Variants in AK5 observed in about 807,000 individuals in gnomAD.
AK5 encodes the protein adenylate kinase isoenzyme 5.
Under a neutral mutation model 69.5 loss-of-function variants are expected in AK5, and 27 were observed. The observed-to-expected ratio is 0.39, with a 90% CI of 0.29 to 0.54. The LOEUF (loss-of-function observed/expected upper bound fraction) is 0.54, where lower values mean the gene tolerates loss of function less well. Ranked by LOEUF, AK5 falls within the 20% of genes least tolerant of loss-of-function variation. AK5 has a pLI of 0.71. For synonymous variants in AK5, 260 were observed against 244.4 expected, an observed-to-expected ratio of 1.06 and a Z score of -0.60; for missense variants, 531 against 700.4, an observed-to-expected ratio of 0.76 and a Z score of 2.73.
chr1:77,480,129 T>A (rs1655171690), intron 8 of AK5, among the ~76,000 whole-genome samples: 1 of 144,602 alleles, frequency 6.9e-6, no homozygotes, highest in Non-Finnish European at 1.5e-5. Flanking sequence ...AGTGTGTGTG[T>A]GTGTGTGTGT....
In AK5 at chr1:77,332,739, A is replaced by G. The variant is rs1661156130; in HGVS notation, c.700-7638A>G. ...TCCTTTATGGCTCAGAATATATTCA[A>G]CTTTTATGACAACTTCTCTGTGTGT... On this transcript the variant is annotated intron_variant, in intron 5 of 13. Transcript: ENST00000354567. Among the ~76,000 whole-genome samples, 4 of 151,910 alleles carry G rather than the reference A, an allele frequency of 2.6e-5. No homozygotes were observed. In the South Asian group the frequency reaches 8.3e-4, roughly 32 times the overall value.
In AK5 at chr1:77,325,778, T is replaced by A. The variant is rs2602949; in HGVS notation, c.700-14599T>A. 5.3e-5 allele frequency among the ~76,000 whole-genome samples: 8 copies of A among 151,538 alleles called. No homozygotes were observed. The East Asian group carries it at 1.4e-3, about 26-fold the overall frequency. Reference sequence around the variant, plus strand: ...TGCATCTCTTTCATCTAGTGTGGTATTTGGCTCATAGCAAATGCTTAGTAA... The same window carrying A: ...TGCATCTCTTTCATCTAGTGTGGTAATTGGCTCATAGCAAATGCTTAGTAA... On this transcript the variant is annotated intron_variant, in intron 5 of 13. Transcript: ENST00000354567.
chr1:77,534,233 G>A (rs1023210945), intron 12 of AK5, among the ~76,000 whole-genome samples: 50 of 152,182 alleles, frequency 3.3e-4, no homozygotes, highest in African/African-American at 1.2e-3. Flanking sequence ...CTCGAATGTG[G>A]CAAGGTCAGG....
intron 5 of AK5, among the ~76,000 whole-genome samples, chr1:77,329,783 C>T (rs990546734): frequency 4.6e-5 from 7 of 152,152 alleles, no homozygotes; most frequent in African/African-American, 1.7e-4. Context: ...CTCCTCCAAT[C>T]CTAATTTCAC....
intron 5 of AK5, among the ~76,000 whole-genome samples, chr1:77,305,372 G>T (rs2799559): frequency 0.15 from 23,479 of 152,020 alleles, 2,208 homozygotes; most frequent in Non-Finnish European, 0.2. Flanking sequence ...TTCTTTGGTT[G>T]CCTGTGCTTA....
intron 10 of AK5, among the ~76,000 whole-genome samples, chr1:77,493,328 G>GCCC (rs138633618): frequency 6.6e-6 from 1 of 150,642 alleles, no homozygotes; most frequent in African/African-American, 2.4e-5. Context: ...GACACCAGCA[G>GCCC]CCCCCCCCAG....
At chr1:77,362,346 T>A (rs142625745) in intron 6 of AK5, among the ~76,000 whole-genome samples, 84 of 152,318 alleles carry the variant, frequency 5.5e-4, no homozygotes, top group Admixed American at 9.8e-4. Context: ...TATATATGCT[T>A]CCTCAATTGT....
intron 13 of AK5, among the ~76,000 whole-genome samples, chr1:77,551,244 CA>C: frequency 6.6e-6 from 1 of 152,080 alleles, no homozygotes; most frequent in Non-Finnish European, 1.5e-5. Flanking sequence ...CACACACACA[CA>C]CACCTTCTAT....
intron 6 of AK5, among the ~76,000 whole-genome samples, chr1:77,396,939 G>C (rs143484519): frequency 6.6e-6 from 1 of 152,192 alleles, no homozygotes; most frequent in African/African-American, 2.4e-5. Flanking sequence ...ATGGTAACTC[G>C]TGCCATGCAC....
chr1:77,548,262 CCTT>C (rs1246083658), intron 13 of AK5, among the ~76,000 whole-genome samples: 1 of 152,160 alleles, frequency 6.6e-6, no homozygotes, highest in Non-Finnish European at 1.5e-5. Flanking sequence ...ATATAGTCCT[CCTT>C]CTTTCTATGG....
At chr1:77,470,871 A>ATTT (rs1654458720) in intron 8 of AK5, among the ~76,000 whole-genome samples, 1 of 41,604 alleles carries the variant, frequency 2.4e-5, no homozygotes, top group African/African-American at 1.0e-4. Flanking sequence ...ATATATATAT[A>ATTT]TATATTTTTT....
intron 6 of AK5, among the ~76,000 whole-genome samples, chr1:77,370,566 A>G (rs1449122416): frequency 6.6e-6 from 1 of 152,226 alleles, no homozygotes; most frequent in East Asian, 1.9e-4. Flanking sequence ...TTAAAATTAA[A>G]AAAAACTTTA....
chr1:77,437,677 C>T (rs2647505), intron 8 of AK5, among the ~76,000 whole-genome samples: 149,546 of 152,210 alleles, frequency 0.98, 73,519 homozygotes, highest in Middle Eastern at 1. Flanking sequence ...AAACAAAATA[C>T]CCCGGTGGCC....
chr1:77,386,594 G>C (rs1648045880), intron 6 of AK5, among the ~76,000 whole-genome samples: 1 of 152,064 alleles, frequency 6.6e-6, no homozygotes, highest in Non-Finnish European at 1.5e-5. Context: ...ACCATGTCAG[G>C]GGAGGATTTT....
At chr1:77,324,700 A>G (rs564466994) in intron 5 of AK5, among the ~76,000 whole-genome samples, 17 of 45,436 alleles carry the variant, frequency 3.7e-4, no homozygotes, top group Admixed American at 7.0e-4. Context: ...CTTTATAGGG[A>G]AAAAAAAAAA....
intron 5 of AK5, among the ~76,000 whole-genome samples, chr1:77,299,232 A>G (rs1055073816): frequency 2.0e-5 from 3 of 150,798 alleles, no homozygotes; most frequent in African/African-American, 7.3e-5. Context: ...ATTAAGGTTA[A>G]GTATATTTTC....
At chr1:77,507,183 A>G (rs1283399181) in intron 10 of AK5, among the ~76,000 whole-genome samples, 1 of 152,232 alleles carries the variant, frequency 6.6e-6, no homozygotes, top group East Asian at 1.9e-4. Flanking sequence ...TGACGGGGCC[A>G]TGATGAAAGC....
At chr1:77,405,084 A>G (rs1450839086) in intron 6 of AK5, among the ~76,000 whole-genome samples, 1 of 152,236 alleles carries the variant, frequency 6.6e-6, no homozygotes, top group African/African-American at 2.4e-5. Flanking sequence ...ATATGCATGT[A>G]TGTTACAGAA....
chr1:77,543,257 T>C (rs1373360345), intron 13 of AK5, among the ~76,000 whole-genome samples: 1 of 152,152 alleles, frequency 6.6e-6, no homozygotes, highest in Non-Finnish European at 1.5e-5. Flanking sequence ...TACTGGGTAA[T>C]TCATAACTGA....
Sources: allele counts gnomAD v4.1 joint callset (sites outside exome capture counted in the v4.1 genomes callset), GRCh38; gene constraint gnomAD v4.1.1; transcripts MANE v1.5; gene names NCBI Gene and HGNC (gene_info 2026-07-23, HGNC 2026-07-21).